TEKT5: variants seen among roughly 807,000 people sequenced by gnomAD.
TEKT5 encodes tektin 5, also known as tektin-5.
Under a neutral mutation model 48.7 loss-of-function variants are expected in TEKT5, and 52 were observed. That is an observed-to-expected ratio of 1.07 (90% CI 0.86 to 1.35). The LOEUF (loss-of-function observed/expected upper bound fraction) is 1.35, where lower values mean the gene tolerates loss of function less well. TEKT5 is among the 40% of genes most tolerant of loss of function. The probability of loss-of-function intolerance (pLI) is 0.00; values close to 1 mark genes in which losing one functional copy is unlikely to be tolerated. For synonymous variants in TEKT5, 318 were observed against 267.6 expected (o/e 1.19, Z -1.84); for missense variants, 831 against 641.6 (o/e 1.30, Z -3.19).
intron 5 of TEKT5, among the ~76,000 whole-genome samples, chr16:10,672,248 T>C (rs1898560632): frequency 6.6e-6 from 1 of 152,108 alleles, no homozygotes; most frequent in African/African-American, 2.4e-5. Context: ...CATTCATGCA[T>C]GCTTCATTCT....
At chr16:10,675,190 C>A (rs1596414779) in intron 5 of TEKT5, among the ~76,000 whole-genome samples, 1 of 152,236 alleles carries the variant, frequency 6.6e-6, no homozygotes, top group Middle Eastern at 3.4e-3. Context: ...TGACTATCAT[C>A]CAAGTTCTTT....
intron 5 of TEKT5, among the ~76,000 whole-genome samples, chr16:10,659,118 C>T (rs781687252): frequency 3.3e-5 from 5 of 152,294 alleles, no homozygotes; most frequent in Non-Finnish European, 5.9e-5. Flanking sequence ...GCATCCACCC[C>T]GCAAGCTGTG....
intron 4 of TEKT5, among the ~76,000 whole-genome samples, chr16:10,680,945 C>A (rs1898735710): frequency 6.8e-6 from 1 of 148,098 alleles, no homozygotes; most frequent in South Asian, 2.1e-4. Context: ...ACGAGCATGG[C>A]ACATGTATAC....
In TEKT5 at chr16:10,682,119, T is replaced by C. The variant is rs780003869; in HGVS notation, c.737A>G (p.Gln246Arg). The change falls in exon 4 of 7, where the codon CAG becomes CGG. Residue 246 changes from glutamine to arginine, a missense_variant. By Grantham distance (43) the Gln-to-Arg change is conservative. Transcript: ENST00000283025. ...DIQMRDNRDAQHVLERDLEDK... is the reference protein window; with the variant it reads ...DIQMRDNRDARHVLERDLEDK... The stretch of plus-strand genomic sequence containing the variant: ...TTCGAGGTCCCTCTCCAGCACGTGC[T>C]GAGCATCCCGGTTATCCCTGCAGGG... 1 of 1,614,166 alleles carries C rather than the reference T, an allele frequency of 6.2e-7. No homozygotes were observed. The highest frequency in any genetic ancestry group is 1.1e-5 in the South Asian group (1 of 91,090).
Position 10,694,484 on chromosome 16 carries a change from C to T in TEKT5, c.390G>A (p.Thr130=), listed in dbSNP as rs201150770. 3.2e-5 allele frequency: 51 copies of T among 1,613,686 alleles called. No individual in the cohort carries two copies. The Middle Eastern group carries it at 2.6e-3, about 84-fold the overall frequency. ...GGCAGGTGCCCTCCTGCATCTGGTG[C>T]GTCAGCTGGTCCTTGTCCTGCAAGA... ...MRLLQDKDQL[T]HQMQEGTCRN... is the part of the protein sequence containing the mutation. The change falls in exon 1 of 7, where the codon ACG becomes ACA. Residue 130 remains threonine (T), a synonymous_variant. Transcript: ENST00000283025.
chr16:10,681,881 C>A (rs1898759488), intron 4 of TEKT5, 112 bp downstream of exon 4: 1 of 1,396,736 alleles, frequency 7.2e-7, no homozygotes, highest in Non-Finnish European at 9.9e-7. Context: ...TTCAACCATG[C>A]CACTTCCCAC....
At chr16:10,659,915 G>T (rs557816898) in intron 5 of TEKT5, among the ~76,000 whole-genome samples, 1 of 152,074 alleles carries the variant, frequency 6.6e-6, no homozygotes, top group Non-Finnish European at 1.5e-5. Context: ...AAATGGCAGT[G>T]AATTGTTCAC....
intron 5 of TEKT5, among the ~76,000 whole-genome samples, chr16:10,665,660 G>A (rs912563595): frequency 2.6e-5 from 4 of 152,046 alleles, no homozygotes; most frequent in Non-Finnish European, 4.4e-5. Flanking sequence ...CCACCTTTTG[G>A]CACAGCTCTC....
chr16:10,690,006 TAC>T lies in TEKT5; in HGVS notation c.582_583del (p.Tyr195ProfsTer9), dbSNP rs1898939975. ...AATCCCAATCCTCTTCTCTCGATGGTACAGACACTCCAAGGCCACCTGTGGGA... is the reference window on the plus strand; with the variant it reads ...AATCCCAATCCTCTTCTCTCGATGGTAGACACTCCAAGGCCACCTGTGGGA... On this transcript the variant is annotated frameshift_variant, in exon 2 of 7. Transcript: ENST00000283025. LOFTEE classifies it high-confidence loss of function. The T allele has an allele frequency of 6.2e-7, 1 of 1,614,080 alleles. No individual in the cohort carries two copies. Among genetic ancestry groups the T allele is most frequent in the Non-Finnish European group, 8.5e-7 (1 of 1,180,016 alleles).
At chr16:10,664,367 G>C (rs1195261806) in intron 5 of TEKT5, among the ~76,000 whole-genome samples, 1 of 152,236 alleles carries the variant, frequency 6.6e-6, no homozygotes, top group Non-Finnish European at 1.5e-5. Context: ...CAGATCGCTA[G>C]ACCCCACTGG....
At chr16:10,681,907 T>C (rs781206254) in intron 4 of TEKT5, 86 bp downstream of exon 4, 288 of 1,528,922 alleles carry the variant, frequency 1.9e-4, no homozygotes, top group Non-Finnish European at 2.5e-4. Context: ...TGGTGCACGA[T>C]GCCCCTTCGC....
At chr16:10,659,012 C>A (rs72783722) in intron 5 of TEKT5, among the ~76,000 whole-genome samples, 2,748 of 152,328 alleles carry the variant, frequency 0.018, 47 homozygotes, top group Non-Finnish European at 0.026. Context: ...GCCACGGTGC[C>A]CAGTCTGGGA....
At chr16:10,691,454 G>C (rs1898974315) in intron 1 of TEKT5, 1 of 152,602 alleles carries the variant, frequency 6.6e-6, no homozygotes, top group Non-Finnish European at 1.5e-5. Flanking sequence ...CTCTAAGGAG[G>C]AGAAGGACTG....
intron 5 of TEKT5, among the ~76,000 whole-genome samples, chr16:10,669,103 A>C (rs1343727328): frequency 6.6e-6 from 1 of 152,212 alleles, no homozygotes; most frequent in African/African-American, 2.4e-5. Context: ...AGTGCATACA[A>C]ATATGTGTAC....
At position 10,682,268 on chromosome 16, in the gene TEKT5, A is replaced by G. The variant is rs553116583; in HGVS notation, c.720-132T>C. ...CCAGTAGCTTCTCAGTCCTCTTCCC[A>G]CCTCCATGTCCCACCACATACCCAG... On this transcript the variant is annotated intron_variant, in intron 3 of 6. Transcript: ENST00000283025. 38 of 936,748 alleles carry G rather than the reference A, an allele frequency of 4.1e-5. 1 individual carries two copies. The South Asian group carries it at 7.1e-4, about 18-fold the overall frequency. The allele number at this position is 936,748 out of a possible 1,614,324, so 58.0% of individuals were successfully genotyped here. A position where few individuals can be genotyped will look rare whatever the true frequency, so the allele number is the denominator to read the frequency against.
At chr16:10,672,363 G>T (rs1023016782) in intron 5 of TEKT5, among the ~76,000 whole-genome samples, 1 of 152,046 alleles carries the variant, frequency 6.6e-6, no homozygotes, top group African/African-American at 2.4e-5. Flanking sequence ...GATCACTTGA[G>T]CCCAGGGAAC....
Position 10,627,630 on chromosome 16 carries a change from T to C in TEKT5, c.1411A>G (p.Met471Val). Residue 471 changes from methionine (M) to valine (V), a missense_variant, in exon 7 of 7, where the codon ATG becomes GTG. Met to Val is a conservative substitution (Grantham distance 21, BLOSUM62 1). Coordinates refer to ENST00000283025, the MANE Select transcript of TEKT5 (RefSeq NM_144674.2). ...GGGGTGCAGGGGAAGGTCTTACGCATGCCCATGCACTTCTCCTTGTCGATG... is the reference window on the plus strand; with the variant it reads ...GGGGTGCAGGGGAAGGTCTTACGCACGCCCATGCACTTCTCCTTGTCGATG... ...LCIDKEKCMG[M>V]RKTFPCTPRL... 1 of 1,614,190 alleles carries C rather than the reference T, an allele frequency of 6.2e-7. No homozygotes were observed. Among genetic ancestry groups the C allele is most frequent in the African/African-American group, 1.3e-5 (1 of 75,068 alleles).
At chr16:10,659,527 C>A (rs1037799807) in intron 5 of TEKT5, among the ~76,000 whole-genome samples, 6 of 152,020 alleles carry the variant, frequency 3.9e-5, no homozygotes, top group Admixed American at 6.6e-5. Flanking sequence ...CTACAGGTGC[C>A]CACCACCACA....
chr16:10,658,152 C>T (rs139326187), intron 5 of TEKT5, among the ~76,000 whole-genome samples: 1 of 152,072 alleles, frequency 6.6e-6, no homozygotes, highest in African/African-American at 2.4e-5. Context: ...GAAACTGGAC[C>T]ACTTATATGC....
Sources: gnomAD v4.1 joint callset for allele counts (sites outside exome capture counted in the v4.1 genomes callset) on GRCh38, gnomAD v4.1.1 for gene constraint, MANE v1.5 for transcripts, NCBI Gene and HGNC (gene_info 2026-07-23, HGNC 2026-07-21) for gene names.